SIRT3: variants seen among roughly 807,000 people sequenced by gnomAD.
SIRT3 encodes the protein sirtuin 3.
In SIRT3, 26 loss-of-function variants were observed where a neutral mutation model predicts 33.5. The ratio of observed to expected loss-of-function variants is 0.78; its 90% CI spans 0.57 to 1.08. The LOEUF (loss-of-function observed/expected upper bound fraction) is 1.08. Among genes scored for constraint, SIRT3 ranks in the 50% least tolerant of loss-of-function variants. The pLI is 0.00. For missense variants in SIRT3, 585 were observed against 530.1 expected (o/e 1.10, Z -1.02); for synonymous variants, 237 against 222.1 (o/e 1.07, Z -0.60).
intron 1 of SIRT3, among the ~76,000 whole-genome samples, chr11:235,652 G>A (rs1011515350): frequency 7.2e-5 from 11 of 152,192 alleles, no homozygotes; most frequent in African/African-American, 2.7e-4. Context: ...GTTCTTAGAT[G>A]CAATTACTAT....
upstream of SIRT3, chr11:236,908 C>CGG: frequency 2.8e-6 from 2 of 701,814 alleles, no homozygotes; most frequent in South Asian, 3.2e-5. Flanking sequence ...GAGCAACCAG[C>CGG]GGGGCCCGCC....
intron 5 of SIRT3, 71 bp from the exon 6 acceptor site, chr11:219,112 G>A: frequency 1.3e-6 from 2 of 1,503,530 alleles, no homozygotes; most frequent in South Asian, 2.5e-5. Context: ...TCATGCCACA[G>A]CCACCGAGGC....
chr11:229,210 T>C (rs1044243612), intron 4 of SIRT3, among the ~76,000 whole-genome samples: 3 of 109,260 alleles, frequency 2.7e-5, no homozygotes, highest in African/African-American at 7.8e-5. Flanking sequence ...TCCCACACTT[T>C]GGGAGAAAGA....
rs906855589 is a variant in SIRT3 at position 215,974 on chromosome 11, A to G, written c.*724T>C. 6.6e-6 allele frequency: 1 copy of G among 152,462 alleles called. No homozygotes were observed. Among genetic ancestry groups the G allele is most frequent in the African/African-American group, 2.4e-5 (1 of 41,434 alleles). 9.4% of individuals were successfully genotyped at this position (152,462 alleles called of 1,614,324 possible). ...TGGAACAGATCTGTTTCTGGAGGAG[A>G]GGCTGAGTATGGAGAGTCAACAGAA... On this transcript the variant is annotated 3_prime_UTR_variant, in exon 7 of 7. Coordinates refer to ENST00000382743, the MANE Select transcript of SIRT3 (RefSeq NM_012239.6).
upstream of SIRT3, chr11:236,629 G>C: frequency 4.7e-6 from 1 of 211,038 alleles, no homozygotes; most frequent in Non-Finnish European, 9.8e-6. Flanking sequence ...TTTCAACCCG[G>C]ATGGCGGTGA....
Position 233,183 on chromosome 11 carries a change from T to C in SIRT3, c.506A>G (p.Gln169Arg), listed in dbSNP as rs1230678743. 1 of 1,613,942 alleles carries C rather than the reference T, an allele frequency of 6.2e-7. No individual in the cohort carries two copies. Among genetic ancestry groups the C allele is most frequent in the Non-Finnish European group, 8.5e-7 (1 of 1,180,016 alleles). Residue 169 changes from glutamine (Q) to arginine (R), a missense_variant, in exon 3 of 7, where the codon CAG (glutamine) becomes CGG (arginine). Transcript: ENST00000382743. ...SPGSGLYSNL[Q>R]QYDLPYPEAI... ...CTCGGGGTACGGGAGATCGTACTGC[T>C]GGAGGTTGCTGTACAGGCCACTCCC...
intron 4 of SIRT3, among the ~76,000 whole-genome samples, chr11:229,777 T>C (rs1166539130): frequency 6.6e-6 from 1 of 151,638 alleles, no homozygotes; most frequent in Non-Finnish European, 1.5e-5. Flanking sequence ...AATAAATAAA[T>C]ATAGCTAAAC....
In SIRT3 at chr11:233,167, C is replaced by A. The variant is rs148488998; in HGVS notation, c.522G>T (p.Pro174=). Residue 174 remains proline (P), a synonymous_variant, in exon 3 of 7, where the codon CCG becomes CCT. Transcript: ENST00000382743. ...LYSNLQQYDL[P]YPEAIFELPF... ...GGAGTTCAAAAATGGCCTCGGGGTACGGGAGATCGTACTGCTGGAGGTTGC... is the reference window on the plus strand; with the variant it reads ...GGAGTTCAAAAATGGCCTCGGGGTAAGGGAGATCGTACTGCTGGAGGTTGC... 1.2e-6 allele frequency: 2 copies of A among 1,614,042 alleles called. No individual in the cohort carries two copies. The highest frequency in any genetic ancestry group is 2.2e-5 in the South Asian group (2 of 91,078).
At chr11:219,090 C>A in intron 5 of SIRT3, 49 bp from the exon 6 acceptor site, 1 of 1,541,860 alleles carries the variant, frequency 6.5e-7, no homozygotes, top group South Asian at 1.2e-5. Context: ...TTTACAAGCT[C>A]CTCAGGATGT....
In SIRT3 at chr11:216,658, C is replaced by T; in HGVS notation, c.*40G>A. 1 of 1,612,780 alleles carries T rather than the reference C, an allele frequency of 6.2e-7. No homozygotes were observed. The highest frequency in any genetic ancestry group is 8.5e-7 in the Non-Finnish European group (1 of 1,178,928). On this transcript the variant is annotated 3_prime_UTR_variant, in exon 7 of 7. Coordinates refer to ENST00000382743, the MANE Select transcript of SIRT3 (RefSeq NM_012239.6). ...CTTGTCAGAATTGGGATGTGGATGT[C>T]TCCTATGTTACCATTTATTGTGTGG...
At chr11:216,797 C>G (rs1320108421) in intron 6 of SIRT3, 79 bp from the exon 7 acceptor site, 12 of 1,456,148 alleles carry the variant, frequency 8.2e-6, no homozygotes, top group Non-Finnish European at 1.2e-5. Context: ...TCAAACAGCT[C>G]TAGCTGCAGA....
At chr11:229,363 T>C (rs1008511319) in intron 4 of SIRT3, among the ~76,000 whole-genome samples, 4 of 152,050 alleles carry the variant, frequency 2.6e-5, no homozygotes, top group African/African-American at 9.7e-5. Flanking sequence ...GAGAATCGCT[T>C]GAACCCAGGA....
In SIRT3 at chr11:236,250, C is replaced by A; in HGVS notation, c.79G>T (p.Gly27Cys). 1 of 1,547,292 alleles carries A rather than the reference C, an allele frequency of 6.5e-7. No homozygotes were observed. The highest frequency in any genetic ancestry group is 8.7e-7 in the Non-Finnish European group (1 of 1,150,700). ...CCGCAGGCCTGAAACGGCCCCACGCCTCCCCCGGCCTCGACCCGTTCAACT... is the reference window on the plus strand; with the variant it reads ...CCGCAGGCCTGAAACGGCCCCACGCATCCCCCGGCCTCGACCCGTTCAACT... The part of the protein sequence containing the change: ...RVVERVEAGG[G>C]VGPFQACGCR... Residue 27 changes from glycine (G) to cysteine (C), a missense_variant, in exon 1 of 7, where the codon GGC becomes TGC. Physicochemically the swap from Gly to Cys is radical, Grantham distance 159. Transcript: ENST00000382743.
At chr11:219,449 G>A (rs1465199082) in intron 5 of SIRT3, among the ~76,000 whole-genome samples, 1 of 152,106 alleles carries the variant, frequency 6.6e-6, no homozygotes, top group Non-Finnish European at 1.5e-5. Context: ...AGCCCTGCTT[G>A]CTCTGACAGC....
At chr11:235,302 C>G (rs1858833237) in intron 1 of SIRT3, among the ~76,000 whole-genome samples, 1 of 151,920 alleles carries the variant, frequency 6.6e-6, no homozygotes, top group Non-Finnish European at 1.5e-5. Flanking sequence ...AACTCCTGGA[C>G]TCAAGGGATC....
upstream of SIRT3, chr11:236,772 A>AGTCC (rs1223071053): frequency 1.4e-5 from 7 of 518,054 alleles, no homozygotes; most frequent in Admixed American, 6.6e-5. Context: ...CCACAAAGCT[A>AGTCC]GTCCGTAGCG....
chr11:226,943 G>A (rs1857257445), intron 4 of SIRT3, among the ~76,000 whole-genome samples: 1 of 150,270 alleles, frequency 6.7e-6, no homozygotes, highest in African/African-American at 2.4e-5. Context: ...AGTAGATATG[G>A]GGTTTCTCCA....
At chr11:218,636 ATC>A in intron 6 of SIRT3, 194 bp downstream of exon 6, 2 of 1,018,868 alleles carry the variant, frequency 2.0e-6, no homozygotes, top group South Asian at 1.6e-5. Context: ...GCCTGTTAGC[ATC>A]TGTTTCCTCA....
At chr11:219,070 C>T (rs201180418) in intron 5 of SIRT3, 29 bp from the exon 6 acceptor site, 3 of 1,585,438 alleles carry the variant, frequency 1.9e-6, no homozygotes, top group Non-Finnish European at 2.6e-6. Context: ...GTGAGGGGCA[C>T]AGTGTCCACT....
Sources: gnomAD v4.1 joint callset for allele counts (sites outside exome capture counted in the v4.1 genomes callset) on GRCh38, gnomAD v4.1.1 for gene constraint, MANE v1.5 for transcripts, NCBI Gene and HGNC (gene_info 2026-07-23, HGNC 2026-07-21) for gene names.